Variants in ARIH2 observed in about 807,000 individuals in gnomAD.
The protein encoded by ARIH2 is E3 ubiquitin-protein ligase ARIH2.
In ARIH2, 12 loss-of-function variants were observed where a neutral mutation model predicts 79.8. That is an observed-to-expected ratio of 0.15 (90% CI 0.10 to 0.24). The LOEUF is 0.24. ARIH2 is among the 10% of genes least tolerant of loss of function. The pLI is 1.00. For synonymous variants in ARIH2, 224 were observed against 213.9 expected, an observed-to-expected ratio of 1.05 and a Z score of -0.41; for missense variants, 301 against 618.3, an observed-to-expected ratio of 0.49 and a Z score of 5.44.
intron 3 of ARIH2, among the ~76,000 whole-genome samples, chr3:48,942,910 C>A (rs1478144488): frequency 6.6e-6 from 1 of 152,058 alleles, no homozygotes; most frequent in Non-Finnish European, 1.5e-5. Flanking sequence ...CCCATCCTCC[C>A]AAAGTGCTGG....
At chr3:48,975,128 C>A in intron 11 of ARIH2, 149 bp downstream of exon 11, 5 of 1,346,534 alleles carry the variant, frequency 3.7e-6, no homozygotes, top group Non-Finnish European at 5.1e-6. Flanking sequence ...CATAAAGTAG[C>A]TTTTTATTTT....
At chr3:48,975,001 TA>T (rs2092425437) in intron 11 of ARIH2, 22 bp downstream of exon 11, 1 of 1,614,256 alleles carries the variant, frequency 6.2e-7, no homozygotes. Context: ...GCTTGGTGTG[TA>T]AGGCCCAGTG....
chr3:48,934,833 A>G (rs908300104), intron 3 of ARIH2: 1 of 985,444 alleles, frequency 1.0e-6, no homozygotes, highest in Non-Finnish European at 1.2e-6. Flanking sequence ...CATGCTCATC[A>G]TCTTCCAGAA....
chr3:48,963,189 G>A (rs2091453432), intron 4 of ARIH2, among the ~76,000 whole-genome samples: 1 of 152,164 alleles, frequency 6.6e-6, no homozygotes, highest in African/African-American at 2.4e-5. Context: ...CACTCATCCT[G>A]TGTACTCAAG....
At chr3:48,940,773 T>A (rs2088010649) in intron 3 of ARIH2, among the ~76,000 whole-genome samples, 1 of 121,500 alleles carries the variant, frequency 8.2e-6, no homozygotes, top group Non-Finnish European at 1.6e-5. Flanking sequence ...TCAGCCTGGG[T>A]GATAAAGGGA....
At chr3:48,956,166 T>G (rs990633490) in intron 3 of ARIH2, among the ~76,000 whole-genome samples, 10 of 150,092 alleles carry the variant, frequency 6.7e-5, no homozygotes, top group African/African-American at 2.5e-4. Context: ...TGAGACGGAG[T>G]CTCACTCTGT....
At chr3:48,973,575 CAAAAAAA>C (rs537764456) in intron 8 of ARIH2, 117 bp from the exon 9 acceptor site, 34 of 436,576 alleles carry the variant, frequency 7.8e-5, no homozygotes, top group Non-Finnish European at 1.1e-4. Flanking sequence ...GACTCTGTCT[CAAAAAAA>C]AAAAAAAAAA....
chr3:48,940,505 CAG>C (rs1197902022), intron 3 of ARIH2, among the ~76,000 whole-genome samples: 1 of 151,820 alleles, frequency 6.6e-6, no homozygotes, highest in African/African-American at 2.4e-5. Context: ...TGCGAGAAGT[CAG>C]GGACCCTAAA....
intron 7 of ARIH2, among the ~76,000 whole-genome samples, chr3:48,969,166 C>G (rs2092008068): frequency 6.6e-6 from 1 of 151,964 alleles, no homozygotes; most frequent in African/African-American, 2.4e-5. Flanking sequence ...AGCCACTGCA[C>G]CCAGCCTCTT....
chr3:48,978,484 T>TA (rs369771222), intron 11 of ARIH2, among the ~76,000 whole-genome samples: 6,107 of 26,422 alleles, frequency 0.23, 214 homozygotes, highest in East Asian at 0.33. Flanking sequence ...TATATATATA[T>TA]TTTTTTTTTT....
At chr3:48,972,981 C>G (rs1642316671) in intron 8 of ARIH2, among the ~76,000 whole-genome samples, 1 of 152,196 alleles carries the variant, frequency 6.6e-6, no homozygotes, top group African/African-American at 2.4e-5. Flanking sequence ...TTCCATAGTG[C>G]TAGGATTACA....
chr3:48,948,122 G>A (rs963862391), intron 3 of ARIH2, among the ~76,000 whole-genome samples: 1 of 151,956 alleles, frequency 6.6e-6, no homozygotes. Context: ...CACCACGCCT[G>A]GCTAATTTTT....
At chr3:48,939,542 G>T (rs1217268537) in intron 3 of ARIH2, among the ~76,000 whole-genome samples, 1 of 149,216 alleles carries the variant, frequency 6.7e-6, no homozygotes, top group African/African-American at 2.5e-5. Flanking sequence ...TGGATCATGA[G>T]GTCAGGAGAT....
intron 4 of ARIH2, among the ~76,000 whole-genome samples, chr3:48,963,369 A>G (rs1338371269): frequency 6.6e-6 from 1 of 152,220 alleles, no homozygotes; most frequent in African/African-American, 2.4e-5. Flanking sequence ...GATACTTAAA[A>G]TATTACTGTG....
At chr3:48,939,675 G>C (rs1345634961) in intron 3 of ARIH2, among the ~76,000 whole-genome samples, 1 of 147,512 alleles carries the variant, frequency 6.8e-6, no homozygotes, top group African/African-American at 2.5e-5. Context: ...GGAGAATGGC[G>C]TGAACCTGGG....
At chr3:48,981,383 C>T (rs1215940698) in intron 13 of ARIH2, among the ~76,000 whole-genome samples, 1 of 151,806 alleles carries the variant, frequency 6.6e-6, no homozygotes, top group Non-Finnish European at 1.5e-5. Context: ...GATGTGTTGA[C>T]TCTGATGTCC....
chr3:48,943,843 G>A (rs1395071377), intron 3 of ARIH2, among the ~76,000 whole-genome samples: 1 of 152,112 alleles, frequency 6.6e-6, no homozygotes, highest in Non-Finnish European at 1.5e-5. Context: ...CTACCTAGCT[G>A]GTTATTTGGC....
At chr3:48,975,086 A>T (rs556907480) in intron 11 of ARIH2, 107 bp downstream of exon 11, 3 of 1,579,922 alleles carry the variant, frequency 1.9e-6, no homozygotes, top group Non-Finnish European at 2.6e-6. Flanking sequence ...AACATAGAAG[A>T]ACCTCAGTCA....
chr3:48,978,412 AATTTGTGT>A (rs1490316419), intron 11 of ARIH2, among the ~76,000 whole-genome samples: 3 of 124,012 alleles, frequency 2.4e-5, no homozygotes, highest in African/African-American at 9.1e-5. Flanking sequence ...ACACCTGGCT[AATTTGTGT>A]ATGTGTGTGT....
Sources: gnomAD v4.1 joint callset for allele counts (sites outside exome capture counted in the v4.1 genomes callset) on GRCh38, gnomAD v4.1.1 for gene constraint, MANE v1.5 for transcripts, NCBI Gene and HGNC (gene_info 2026-07-23, HGNC 2026-07-21) for gene names.